The following SCARA5 variants were observed in gnomAD, a reference collection of about 807,000 sequenced individuals.
SCARA5 encodes the protein scavenger receptor class A, member 5 (putative).
SCARA5 carries 45 observed loss-of-function variants against 46.3 expected under a neutral mutation model. The observed-to-expected ratio is 0.97, with a 90% CI of 0.76 to 1.24. SCARA5 has a LOEUF of 1.24. Among genes scored for constraint, SCARA5 ranks in the 50% most tolerant of loss-of-function variants. SCARA5 has a pLI of 0.00. For synonymous variants in SCARA5, 333 were observed against 306.5 expected, an observed-to-expected ratio of 1.09 and a Z score of -0.90; for missense variants, 680 against 689.0, an observed-to-expected ratio of 0.99 and a Z score of 0.15.
chr8:27,983,412 C>A (rs532588589), intron 2 of SCARA5, among the ~76,000 whole-genome samples: 4 of 152,188 alleles, frequency 2.6e-5, no homozygotes, highest in Admixed American at 6.5e-5. Flanking sequence ...TTCCCACATG[C>A]CTCCTTGTCT....
chr8:27,984,183 C>T (rs1274196487), intron 2 of SCARA5, among the ~76,000 whole-genome samples: 2 of 152,156 alleles, frequency 1.3e-5, no homozygotes, highest in Non-Finnish European at 1.5e-5. Flanking sequence ...GCAGCAAAAC[C>T]CTTCTAAAGG....
At position 27,928,587 on chromosome 8, in the gene SCARA5, C is replaced by T. The variant is rs538958102; in HGVS notation, c.242-6342G>A. Reference sequence around the variant, plus strand: ...GGTTCCAGAGTCCCCAGCTCTTGCCCCACTTTGCCAAACTGCTGAAAGGGT... The same window carrying T: ...GGTTCCAGAGTCCCCAGCTCTTGCCTCACTTTGCCAAACTGCTGAAAGGGT... On this transcript the variant is annotated intron_variant, in intron 3 of 8. Coordinates refer to ENST00000354914, the MANE Select transcript of SCARA5 (RefSeq NM_173833.6). 3.3e-4 allele frequency among the ~76,000 whole-genome samples: 51 copies of T among 152,316 alleles called. 1 individual carries two copies. The Middle Eastern group carries it at 0.014, about 41-fold the overall frequency.
chr8:27,913,421 T>G (rs1446638409), intron 4 of SCARA5, among the ~76,000 whole-genome samples: 1 of 152,206 alleles, frequency 6.6e-6, no homozygotes, highest in Non-Finnish European at 1.5e-5. Flanking sequence ...ATCTCAGGAT[T>G]TGACTTTTTA....
At position 27,922,034 on chromosome 8, in the gene SCARA5, G is replaced by A. The variant is rs181229251; in HGVS notation, c.453C>T (p.Gly151=). 2.5e-6 allele frequency: 4 copies of A among 1,572,604 alleles called. No individual in the cohort carries two copies. The highest frequency in any genetic ancestry group is 1.7e-4 in the Middle Eastern group (1 of 5,980). Residue 151 remains glycine (G), a synonymous_variant, in exon 4 of 9, where the codon GGC becomes GGT. Coordinates refer to ENST00000354914, the MANE Select transcript of SCARA5 (RefSeq NM_173833.6). The stretch of plus-strand genomic sequence containing the variant: ...CCTGCGCCTGCAGCCCCCACAGCGC[G>A]CCCTCCAGCCGCTGCACTGCGCCCG... ...ALAGAVQRLE[G]ALWGLQAQAV... is the part of the protein sequence containing the mutation.
intron 7 of SCARA5, among the ~76,000 whole-genome samples, chr8:27,898,118 A>T (rs565909702): frequency 1.3e-5 from 2 of 152,336 alleles, no homozygotes; most frequent in East Asian, 3.9e-4. Context: ...GCCTCTGCAC[A>T]TCCTTATTTT....
At chr8:27,909,577 C>T (rs1473241303) in intron 5 of SCARA5, 86 bp downstream of exon 5, 4 of 943,702 alleles carry the variant, frequency 4.2e-6, no homozygotes, top group Non-Finnish European at 4.9e-6. Context: ...CCCTGGGGAG[C>T]CCTGGCATTT....
intron 2 of SCARA5, among the ~76,000 whole-genome samples, chr8:27,973,972 G>T (rs1317506226): frequency 2.0e-5 from 3 of 152,140 alleles, no homozygotes; most frequent in Non-Finnish European, 4.4e-5. Flanking sequence ...TTTTTGCTAA[G>T]ATACTCTATC....
intron 8 of SCARA5, among the ~76,000 whole-genome samples, chr8:27,876,524 G>A (rs1438227222): frequency 1.3e-5 from 2 of 152,148 alleles, no homozygotes; most frequent in Non-Finnish European, 2.9e-5. Context: ...GGTCTGACTG[G>A]TAGGACGGTT....
intron 2 of SCARA5, among the ~76,000 whole-genome samples, chr8:27,980,056 G>A (rs1808590010): frequency 6.6e-6 from 1 of 152,196 alleles, no homozygotes; most frequent in Non-Finnish European, 1.5e-5. Flanking sequence ...CCTTGTGCTG[G>A]TCTGCAGTAG....
intron 3 of SCARA5, among the ~76,000 whole-genome samples, chr8:27,956,803 C>G (rs1040603066): frequency 5.3e-5 from 8 of 152,192 alleles, no homozygotes; most frequent in African/African-American, 1.9e-4. Context: ...TTGTTGGCAC[C>G]TGGTAAGTGT....
rs1317099148 is a variant in SCARA5 at position 27,907,283 on chromosome 8, GC to G, written c.998-38del. The G allele has an allele frequency of 2.0e-6, 3 of 1,501,096 alleles. No individual in the cohort carries two copies. The African/African-American group carries it at 4.1e-5, about 21-fold the overall frequency. The allele number at this position is 1,501,096 out of a possible 1,614,324, so 93.0% of individuals were successfully genotyped here. On this transcript the variant is annotated intron_variant, in intron 5 of 8. Coordinates refer to ENST00000354914, the MANE Select transcript of SCARA5 (RefSeq NM_173833.6). ...ACAGACAAATGGCAGAGCCTCAGAT[GC>G]AGAACAGGAAGGACCCTCAGAGGTC...
chr8:27,965,030 C>T (rs1808347173), intron 3 of SCARA5, among the ~76,000 whole-genome samples: 1 of 152,190 alleles, frequency 6.6e-6, no homozygotes, highest in Admixed American at 6.5e-5. Flanking sequence ...CCCACTCGGC[C>T]TGCGAGGGAC....
chr8:27,904,921 G>A (rs916799398), intron 6 of SCARA5, 87 bp from the exon 7 acceptor site: 6 of 1,193,832 alleles, frequency 5.0e-6, no homozygotes, highest in Non-Finnish European at 7.3e-6. Context: ...TGATGAACTC[G>A]AGACCAGAGA....
chr8:27,911,900 G>A (rs998255687), intron 4 of SCARA5, among the ~76,000 whole-genome samples: 1 of 152,060 alleles, frequency 6.6e-6, no homozygotes, highest in Non-Finnish European at 1.5e-5. Context: ...TTATAAGAAG[G>A]GAAAACAGAG....
intron 3 of SCARA5, among the ~76,000 whole-genome samples, chr8:27,947,603 C>T (rs187285711): frequency 2.0e-5 from 3 of 151,722 alleles, no homozygotes; most frequent in Admixed American, 2.0e-4. Flanking sequence ...GAGAACATTA[C>T]GCTAAGTGAA....
rs377040237 is a variant in SCARA5 at position 27,972,733 on chromosome 8, T to C, written c.113-6191A>G. Among the ~76,000 whole-genome samples, 4 of 152,196 alleles carry C rather than the reference T, an allele frequency of 2.6e-5. No homozygotes were observed. The East Asian group carries it at 5.8e-4, about 22-fold the overall frequency. On this transcript the variant is annotated intron_variant, in intron 2 of 8. Coordinates refer to ENST00000354914, the MANE Select transcript of SCARA5 (RefSeq NM_173833.6). ...TTTTTTAATTAGCCTAGGATGGTGG[T>C]ATGTGCCTGTATCCTAGCTACTAAA... is the stretch of plus-strand genomic sequence containing the variant.
chr8:27,884,324 G>C (rs1806858575), intron 7 of SCARA5, among the ~76,000 whole-genome samples: 1 of 152,268 alleles, frequency 6.6e-6, no homozygotes, highest in Non-Finnish European at 1.5e-5. Context: ...CTGGAATTCA[G>C]AGGCTGGGTC....
Position 27,884,177 on chromosome 8 carries a change from C to T in SCARA5, c.1154-4411G>A, listed in dbSNP as rs182034852. Among the ~76,000 whole-genome samples, 5 of 152,290 alleles carry T rather than the reference C, an allele frequency of 3.3e-5. No individual in the cohort carries two copies. The East Asian group carries it at 7.7e-4, about 23-fold the overall frequency. On this transcript the variant is annotated intron_variant, in intron 7 of 8. Coordinates refer to ENST00000354914, the MANE Select transcript of SCARA5 (RefSeq NM_173833.6). The stretch of plus-strand genomic sequence containing the variant: ...CTCTCGATATTGGATGTATTTGCTG[C>T]GGATCCTTCATCCCTGGCCAGGTGA...
In SCARA5 at chr8:27,915,056, C is replaced by A. The variant is rs2685335; in HGVS notation, c.917-5313G>T. On this transcript the variant is annotated intron_variant, in intron 4 of 8. Coordinates refer to ENST00000354914, the MANE Select transcript of SCARA5 (RefSeq NM_173833.6). ...GGAGCCAGCAGTACAGTCAAAACCA[C>A]CCCCAGAACCATGCTAACCACAGGC... Among the ~76,000 whole-genome samples the A allele has an allele frequency of 2.0e-5, 3 of 151,942 alleles. 1 individual carries two copies. The highest frequency in any genetic ancestry group is 2.0e-4 in the Admixed American group (3 of 15,280).
Sources: gnomAD v4.1 joint callset for allele counts (sites outside exome capture counted in the v4.1 genomes callset) on GRCh38, gnomAD v4.1.1 for gene constraint, MANE v1.5 for transcripts, NCBI Gene and HGNC (gene_info 2026-07-23, HGNC 2026-07-21) for gene names.